Variants in MITF observed in about 807,000 individuals in gnomAD.
MITF encodes the protein melanocyte inducing transcription factor.
In MITF, 17 loss-of-function variants were observed where a neutral mutation model predicts 60.5. The observed-to-expected ratio is 0.28, with a 90% CI of 0.19 to 0.42. The LOEUF (loss-of-function observed/expected upper bound fraction) is 0.42. Among genes scored for constraint, MITF ranks in the 10% least tolerant of loss-of-function variants. The pLI, the probability that MITF is intolerant of heterozygous loss-of-function variation, is 1.00. For synonymous variants in MITF, 260 were observed against 248.5 expected, an observed-to-expected ratio of 1.05 and a Z score of -0.43; for missense variants, 622 against 683.5, an observed-to-expected ratio of 0.91 and a Z score of 1.00.
chr3:69,959,484 G>A (rs181338355), intron 9 of MITF, 64 bp downstream of exon 9: 11 of 1,590,418 alleles, frequency 6.9e-6, no homozygotes, highest in East Asian at 2.2e-5. Context: ...TAGAAACAGG[G>A]ATATAATGAG....
intron 1 of MITF, among the ~76,000 whole-genome samples, chr3:69,842,609 G>T (rs963751390): frequency 2.0e-5 from 3 of 152,144 alleles, no homozygotes; most frequent in Non-Finnish European, 4.4e-5. Flanking sequence ...GGTGCAGCTG[G>T]GTGCAGTTTT....
At chr3:69,898,791 A>G (rs2064934301) in intron 2 of MITF, among the ~76,000 whole-genome samples, 1 of 152,038 alleles carries the variant, frequency 6.6e-6, no homozygotes, top group South Asian at 2.1e-4. Flanking sequence ...GGTTTGGGAG[A>G]GTGGAGGGGA....
chr3:69,899,050 A>G (rs1343374484), intron 2 of MITF, among the ~76,000 whole-genome samples: 3 of 152,218 alleles, frequency 2.0e-5, no homozygotes, highest in Admixed American at 6.5e-5. Flanking sequence ...TAATTGCTGT[A>G]AAGGAAAGAA....
At chr3:69,745,307 G>A (rs1264473784) in intron 1 of MITF, among the ~76,000 whole-genome samples, 1 of 152,076 alleles carries the variant, frequency 6.6e-6, no homozygotes, top group Non-Finnish European at 1.5e-5. Flanking sequence ...TACTATGCCT[G>A]GTTGATTGTG....
chr3:69,821,690 T>TAAAAAAAAA (rs72371556), intron 1 of MITF, among the ~76,000 whole-genome samples: 15 of 113,206 alleles, frequency 1.3e-4, no homozygotes, highest in Non-Finnish European at 2.1e-4. Context: ...AAAAAAAAAC[T>TAAAAAAAAA]AAAAAAAAAA....
intron 1 of MITF, among the ~76,000 whole-genome samples, chr3:69,747,803 C>T (rs980666833): frequency 6.6e-6 from 1 of 152,140 alleles, no homozygotes; most frequent in Non-Finnish European, 1.5e-5. Context: ...TTGATGTCAT[C>T]CCTTGTTCTC....
chr3:69,762,761 A>G (rs773325670), intron 1 of MITF: 2 of 223,068 alleles, frequency 9.0e-6, no homozygotes, highest in Middle Eastern at 1.3e-3. Context: ...TCATCTCTCC[A>G]TGAGTCTGAG....
At chr3:69,871,018 G>T (rs752035890) in intron 1 of MITF, among the ~76,000 whole-genome samples, 3 of 152,240 alleles carry the variant, frequency 2.0e-5, no homozygotes, top group Non-Finnish European at 4.4e-5. Flanking sequence ...ATTGGCCCTC[G>T]TGAAGTCCTT....
intron 8 of MITF, among the ~76,000 whole-genome samples, chr3:69,957,403 G>A (rs970841050): frequency 1.3e-5 from 2 of 152,150 alleles, no homozygotes; most frequent in Non-Finnish European, 2.9e-5. Context: ...TGCTGTTCAC[G>A]TTACTGTTAG....
intron 1 of MITF, among the ~76,000 whole-genome samples, chr3:69,779,481 G>C (rs1357062574): frequency 6.6e-6 from 1 of 152,142 alleles, no homozygotes; most frequent in Non-Finnish European, 1.5e-5. Flanking sequence ...GGATAATGGA[G>C]GATGGCCCCA....
At chr3:69,809,815 C>G (rs2106990551) in intron 1 of MITF, among the ~76,000 whole-genome samples, 1 of 152,154 alleles carries the variant, frequency 6.6e-6, no homozygotes, top group Non-Finnish European at 1.5e-5. Flanking sequence ...TTATGGCATT[C>G]TAAATTTCTG....
chr3:69,841,923 TTTG>T (rs1349218920), intron 1 of MITF, among the ~76,000 whole-genome samples: 2 of 152,216 alleles, frequency 1.3e-5, no homozygotes, highest in African/African-American at 4.8e-5. Flanking sequence ...TTTATATATT[TTTG>T]TTTGCCTTTA....
intron 2 of MITF, among the ~76,000 whole-genome samples, chr3:69,906,925 T>C (rs2065112394): frequency 6.6e-6 from 1 of 152,134 alleles, no homozygotes; most frequent in Non-Finnish European, 1.5e-5. Context: ...AAATAGCAGC[T>C]TTTTTTAATT....
chr3:69,779,970 C>T (rs111640526), intron 1 of MITF, among the ~76,000 whole-genome samples: 1 of 151,964 alleles, frequency 6.6e-6, no homozygotes, highest in African/African-American at 2.4e-5. Flanking sequence ...GAGGCTCTTG[C>T]AATAATCTGA....
At chr3:69,874,046 C>T (rs1245078983) in intron 1 of MITF, among the ~76,000 whole-genome samples, 1 of 152,198 alleles carries the variant, frequency 6.6e-6, no homozygotes, top group Non-Finnish European at 1.5e-5. Context: ...GAGGTTAACA[C>T]TATTGAACCT....
intron 2 of MITF, among the ~76,000 whole-genome samples, chr3:69,907,785 A>G (rs1214850761): frequency 2.0e-5 from 3 of 152,140 alleles, no homozygotes; most frequent in African/African-American, 7.2e-5. Flanking sequence ...TTTTAAGTGT[A>G]TGAGGGCTAA....
chr3:69,826,129 C>G (rs561661267), intron 1 of MITF, among the ~76,000 whole-genome samples: 21 of 152,250 alleles, frequency 1.4e-4, no homozygotes, highest in Admixed American at 1.0e-3. Context: ...AAACTGGACT[C>G]TCGTTAACCA....
intron 2 of MITF, among the ~76,000 whole-genome samples, chr3:69,932,608 CTTG>C (rs1005912131): frequency 1.3e-5 from 2 of 152,096 alleles, no homozygotes; most frequent in African/African-American, 2.4e-5. Context: ...GATTCATACC[CTTG>C]TTGTTTTTAC....
intron 1 of MITF, among the ~76,000 whole-genome samples, chr3:69,741,711 C>T (rs568581157): frequency 6.6e-6 from 1 of 152,300 alleles, no homozygotes; most frequent in African/African-American, 2.4e-5. Flanking sequence ...ATATGGAGCA[C>T]ACACATGCTC....
Sources: gnomAD v4.1 joint callset for allele counts (sites outside exome capture counted in the v4.1 genomes callset) on GRCh38, gnomAD v4.1.1 for gene constraint, MANE v1.5 for transcripts, NCBI Gene and HGNC (gene_info 2026-07-23, HGNC 2026-07-21) for gene names.